The following CAMK4 variants were observed in gnomAD, a reference collection of about 807,000 sequenced individuals.
CAMK4 encodes calcium/calmodulin dependent protein kinase IV.
A neutral mutation model predicts 44.9 loss-of-function variants in CAMK4; 22 were observed. The ratio of observed to expected loss-of-function variants is 0.49; its 90% confidence interval spans 0.35 to 0.70. The LOEUF (loss-of-function observed/expected upper bound fraction) is 0.70. CAMK4 is among the 30% of genes least tolerant of loss of function. CAMK4 has a pLI of 0.01. For synonymous variants in CAMK4, 218 were observed against 215.4 expected (o/e 1.01, Z -0.11); for missense variants, 498 against 586.8 (o/e 0.85, Z 1.56).
chr5:111,400,608 T>G (rs1752188910), intron 5 of CAMK4, among the ~76,000 whole-genome samples: 1 of 149,798 alleles, frequency 6.7e-6, no homozygotes, highest in Non-Finnish European at 1.5e-5. Context: ...ACAGTATTTC[T>G]CTGACTTTAA....
chr5:111,447,818 A>G (rs1423798225), intron 6 of CAMK4, among the ~76,000 whole-genome samples: 1 of 152,226 alleles, frequency 6.6e-6, no homozygotes, highest in Non-Finnish European at 1.5e-5. Context: ...GCAAGAACCT[A>G]AGGAAAAAAT....
intron 1 of CAMK4, among the ~76,000 whole-genome samples, chr5:111,279,672 A>G (rs1750922415): frequency 6.6e-6 from 1 of 152,168 alleles, no homozygotes. Flanking sequence ...TGCCAAAAGT[A>G]TGGTACTCAT....
chr5:111,264,278 C>G (rs907736309), intron 1 of CAMK4, among the ~76,000 whole-genome samples: 1 of 152,124 alleles, frequency 6.6e-6, no homozygotes, highest in African/African-American at 2.4e-5. Context: ...AGCAGTGGCT[C>G]TGTTCCATGT....
At chr5:111,394,101 A>G (rs903366197) in intron 4 of CAMK4, among the ~76,000 whole-genome samples, 1 of 152,120 alleles carries the variant, frequency 6.6e-6, no homozygotes, top group Non-Finnish European at 1.5e-5. Flanking sequence ...AGTTTCATGG[A>G]CCTTATTTGG....
chr5:111,443,326 T>TAC (rs1753910888), intron 5 of CAMK4, among the ~76,000 whole-genome samples: 3 of 134,706 alleles, frequency 2.2e-5, no homozygotes, highest in Non-Finnish European at 4.7e-5. Flanking sequence ...TATATATATA[T>TAC]ACTATATATA....
At chr5:111,436,014 C>G (rs1753633025) in intron 5 of CAMK4, among the ~76,000 whole-genome samples, 1 of 152,100 alleles carries the variant, frequency 6.6e-6, no homozygotes, top group African/African-American at 2.4e-5. Flanking sequence ...TGAAATTTGT[C>G]TGTTTATATC....
chr5:111,371,957 A>G (rs1234209265), intron 2 of CAMK4, among the ~76,000 whole-genome samples: 1 of 152,200 alleles, frequency 6.6e-6, no homozygotes, highest in Non-Finnish European at 1.5e-5. Context: ...GTAGCCTGCT[A>G]GGTTCGTTCA....
intron 5 of CAMK4, among the ~76,000 whole-genome samples, chr5:111,419,262 A>G (rs1238639113): frequency 1.3e-5 from 2 of 151,328 alleles, no homozygotes; most frequent in Admixed American, 1.3e-4. Context: ...TGTCTGTTCA[A>G]ATCCTTCGCC....
intron 2 of CAMK4, among the ~76,000 whole-genome samples, chr5:111,352,447 A>G (rs1013368526): frequency 6.6e-6 from 1 of 152,074 alleles, no homozygotes; most frequent in African/African-American, 2.4e-5. Flanking sequence ...ATAACCTTAA[A>G]TTAATAAGAC....
chr5:111,420,265 C>G (rs1580728694), intron 5 of CAMK4, among the ~76,000 whole-genome samples: 1 of 152,210 alleles, frequency 6.6e-6, no homozygotes, highest in East Asian at 1.9e-4. Flanking sequence ...TATAAGAATG[C>G]TGGTGATTTT....
At chr5:111,288,589 A>T (rs1212657278) in intron 1 of CAMK4, among the ~76,000 whole-genome samples, 1 of 152,150 alleles carries the variant, frequency 6.6e-6, no homozygotes, top group East Asian at 1.9e-4. Flanking sequence ...CCCTATTCAG[A>T]CATTTGCCTA....
intron 4 of CAMK4, among the ~76,000 whole-genome samples, chr5:111,388,432 A>T (rs189231913): frequency 2.0e-5 from 3 of 152,166 alleles, no homozygotes; most frequent in Non-Finnish European, 4.4e-5. Context: ...AGAAGTTATG[A>T]ATGTGGATGA....
chr5:111,398,350 G>A (rs1259807887), intron 5 of CAMK4, among the ~76,000 whole-genome samples: 2 of 152,132 alleles, frequency 1.3e-5, no homozygotes, highest in Non-Finnish European at 2.9e-5. Context: ...GTATAAATGT[G>A]GCTGGCCAGG....
chr5:111,454,378 A>C (rs1225190805), intron 7 of CAMK4, among the ~76,000 whole-genome samples: 1 of 152,198 alleles, frequency 6.6e-6, no homozygotes, highest in Non-Finnish European at 1.5e-5. Context: ...TGTCTCTTTC[A>C]TAGAACCCTT....
intron 9 of CAMK4, chr5:111,481,892 A>G (rs190902588): frequency 6.6e-6 from 1 of 152,358 alleles, no homozygotes; most frequent in East Asian, 1.9e-4. Flanking sequence ...AGAAGCAATT[A>G]CAAAGGAATT....
At chr5:111,462,768 A>C (rs2112469453) in intron 7 of CAMK4, among the ~76,000 whole-genome samples, 1 of 152,356 alleles carries the variant, frequency 6.6e-6, no homozygotes, top group Admixed American at 6.5e-5. Context: ...AGTGAGCCCT[A>C]GGCCATATCT....
At chr5:111,348,846 T>G (rs192107838) in intron 2 of CAMK4, among the ~76,000 whole-genome samples, 52 of 152,178 alleles carry the variant, frequency 3.4e-4, no homozygotes, top group Admixed American at 1.7e-3. Flanking sequence ...TTCTGGCTAT[T>G]CAGAAAGCAT....
At chr5:111,369,207 A>C (rs957270353) in intron 2 of CAMK4, among the ~76,000 whole-genome samples, 2 of 151,822 alleles carry the variant, frequency 1.3e-5, no homozygotes, top group African/African-American at 2.4e-5. Context: ...CTGGGATTAC[A>C]GGCATGTGTT....
At chr5:111,234,348 C>T (rs969666275) in intron 1 of CAMK4, among the ~76,000 whole-genome samples, 2 of 152,100 alleles carry the variant, frequency 1.3e-5, no homozygotes, top group African/African-American at 4.8e-5. Context: ...TAAGAACTTA[C>T]TGCCATTGTA....
Sources: gnomAD v4.1 joint callset for allele counts (sites outside exome capture counted in the v4.1 genomes callset) on GRCh38, gnomAD v4.1.1 for gene constraint, MANE v1.5 for transcripts, NCBI Gene and HGNC (gene_info 2026-07-23, HGNC 2026-07-21) for gene names.